The following FRMPD1 variants were observed in gnomAD, a reference collection of about 807,000 sequenced individuals.
FRMPD1 encodes the protein FERM and PDZ domain containing 1.
FRMPD1 carries 76 observed loss-of-function variants against 117.8 expected under a neutral mutation model. The observed-to-expected ratio is 0.65, with a 90% CI of 0.54 to 0.78. The LOEUF (loss-of-function observed/expected upper bound fraction) is 0.78, where lower values mean the gene tolerates loss of function less well. Among genes scored for constraint, FRMPD1 ranks in the 30% least tolerant of loss-of-function variants. FRMPD1 has a pLI of 0.00. For synonymous variants in FRMPD1, 783 were observed against 770.4 expected (o/e 1.02, Z -0.27); for missense variants, 1,786 against 1,964.5 (o/e 0.91, Z 1.72).
In FRMPD1 at chr9:37,719,155, G is replaced by A; in HGVS notation, c.495G>A (p.Val165=). Residue 165 remains valine, a synonymous_variant, in exon 6 of 16, where the codon GTG becomes GTA. Transcript: ENST00000377765. The part of the protein sequence containing the change: ...NPVKVHFAEE[V]LISGHSQGNS... ...TGAAGGTGCACTTTGCTGAAGAAGT[G>A]CTCATCAGTGGACACAGCCAGGTGT... 1 of 1,609,194 alleles carries A rather than the reference G, an allele frequency of 6.2e-7. No individual in the cohort carries two copies. The highest frequency in any genetic ancestry group is 8.5e-7 in the Non-Finnish European group (1 of 1,175,478).
intron 6 of FRMPD1, among the ~76,000 whole-genome samples, chr9:37,720,041 CAG>C (rs1823324801): frequency 6.6e-6 from 1 of 151,856 alleles, no homozygotes; most frequent in Non-Finnish European, 1.5e-5. Flanking sequence ...GGGGGAGTCA[CAG>C]GGGGTGGGGG....
chr9:37,675,622 A>G (rs1821502945), intron 1 of FRMPD1, among the ~76,000 whole-genome samples: 1 of 152,066 alleles, frequency 6.6e-6, no homozygotes, highest in South Asian at 2.1e-4. Context: ...AGGGTGTTTA[A>G]TGGTGCTCAT....
chr9:37,707,461 G>A lies in FRMPD1; in HGVS notation c.147G>A (p.Gln49=). Residue 49 remains glutamine, a synonymous_variant, in exon 3 of 16, where the codon CAG becomes CAA. Coordinates refer to ENST00000377765, the MANE Select transcript of FRMPD1 (RefSeq NM_014907.3). The stretch of plus-strand genomic sequence containing the variant: ...ATGGGCCCGCCAGGAACCCAACTCA[G>A]ACCCTCATCCCTGTGCGACACACAG... ...AADGPARNPT[Q]TLIPVRHTVK... 1 of 1,614,000 alleles carries A rather than the reference G, an allele frequency of 6.2e-7. No individual in the cohort carries two copies. Among genetic ancestry groups the A allele is most frequent in the Non-Finnish European group, 8.5e-7 (1 of 1,179,946 alleles).
chr9:37,692,236 T>C (rs948336025), intron 1 of FRMPD1, among the ~76,000 whole-genome samples: 6 of 152,234 alleles, frequency 3.9e-5, no homozygotes, highest in Admixed American at 6.5e-5. Context: ...AATGCTTCCA[T>C]GTCCATGGGG....
chr9:37,637,882 A>G, the FRMPD1 span, among the ~76,000 whole-genome samples: 1 of 152,130 alleles, frequency 6.6e-6, no homozygotes. Context: ...AAGAGAGAAA[A>G]GAGATCACTG....
rs116878229 is a variant in FRMPD1, at chr9:37,684,052, G to A, written c.-4-8586G>A. On this transcript the variant is annotated intron_variant, in intron 1 of 15. Coordinates refer to ENST00000377765, the MANE Select transcript of FRMPD1 (RefSeq NM_014907.3). ...GAGATAAAGTTGGCGGGTAGGCAGG[G>A]CCAGATCGCAAAAGGCTTTGGGGGG... Among the ~76,000 whole-genome samples, 8 of 150,656 alleles carry A rather than the reference G, an allele frequency of 5.3e-5. No individual in the cohort carries two copies. The East Asian group carries it at 1.4e-3, about 26-fold the overall frequency.
chr9:37,640,989 GCCATCCTCCC>G, the FRMPD1 span, among the ~76,000 whole-genome samples: 1 of 152,194 alleles, frequency 6.6e-6, no homozygotes, highest in Admixed American at 6.5e-5. Flanking sequence ...CTGGGCTCAA[GCCATCCTCCC>G]GCCTCAGCTA....
chr9:37,654,464 G>T (rs766102543), intron 1 of FRMPD1, among the ~76,000 whole-genome samples: 2 of 152,226 alleles, frequency 1.3e-5, no homozygotes, highest in Non-Finnish European at 2.9e-5. Flanking sequence ...TTGAATACTT[G>T]CCCCTTGGCT....
At chr9:37,647,428 C>T (rs911968252), upstream of FRMPD1, among the ~76,000 whole-genome samples, 6 of 149,682 alleles carry the variant, frequency 4.0e-5, no homozygotes, top group Admixed American at 6.8e-5. Context: ...AGGAGAATGG[C>T]GTGAACCCAG....
intron 15 of FRMPD1, among the ~76,000 whole-genome samples, chr9:37,742,481 C>G (rs1824469348): frequency 6.6e-6 from 1 of 152,202 alleles, no homozygotes; most frequent in African/African-American, 2.4e-5. Flanking sequence ...TGATTTGGCC[C>G]CTGACTGACT....
At chr9:37,658,167 C>T (rs969592137) in intron 1 of FRMPD1, among the ~76,000 whole-genome samples, 14 of 152,104 alleles carry the variant, frequency 9.2e-5, no homozygotes, top group Non-Finnish European at 1.2e-4. Flanking sequence ...AATGGGACAC[C>T]GCTGTGCAGG....
the FRMPD1 span, among the ~76,000 whole-genome samples, chr9:37,633,730 A>G: frequency 6.6e-6 from 1 of 152,190 alleles, no homozygotes; most frequent in Non-Finnish European, 1.5e-5. Context: ...GCATGGTAGC[A>G]TGCACCTGTA....
chr9:37,681,896 A>G (rs567158222), intron 1 of FRMPD1, among the ~76,000 whole-genome samples: 2 of 152,332 alleles, frequency 1.3e-5, no homozygotes, highest in South Asian at 4.1e-4. Flanking sequence ...AGAAAACACA[A>G]GACAAGAGCA....
chr9:37,637,215 G>C, the FRMPD1 span: 46,743 of 1,609,612 alleles, frequency 0.029, 888 homozygotes, highest in Non-Finnish European at 0.033. Flanking sequence ...TCAGCAAACC[G>C]CAGGAGCAGG....
intron 4 of FRMPD1, among the ~76,000 whole-genome samples, chr9:37,709,424 G>A (rs1822830830): frequency 6.6e-6 from 1 of 151,254 alleles, no homozygotes; most frequent in South Asian, 2.1e-4. Context: ...TTGGGCTCAA[G>A]TGGTCTTCCC....
At chr9:37,659,883 G>A (rs1475984614) in intron 1 of FRMPD1, among the ~76,000 whole-genome samples, 2 of 147,390 alleles carry the variant, frequency 1.4e-5, no homozygotes, top group East Asian at 2.0e-4. Context: ...AAGAGAGTGC[G>A]CTGCTTTGTT....
chr9:37,736,858 A>AGT (rs60521691), intron 13 of FRMPD1, among the ~76,000 whole-genome samples: 13,160 of 148,106 alleles, frequency 0.089, 627 homozygotes, highest in Admixed American at 0.14. Flanking sequence ...AGTGCGTGAG[A>AGT]GTGTGTGTGT....
chr9:37,618,614 G>A, the FRMPD1 span, among the ~76,000 whole-genome samples: 5 of 152,050 alleles, frequency 3.3e-5, no homozygotes, highest in South Asian at 2.1e-4. Flanking sequence ...CCCACAGATT[G>A]GTCCAAATTA....
chr9:37,688,243 T>C (rs1822015124), intron 1 of FRMPD1, among the ~76,000 whole-genome samples: 2 of 150,472 alleles, frequency 1.3e-5, no homozygotes, highest in South Asian at 2.1e-4. Context: ...TATATAAATA[T>C]ATATTTAAGC....
Sources: allele counts gnomAD v4.1 joint callset (sites outside exome capture counted in the v4.1 genomes callset), GRCh38; gene constraint gnomAD v4.1.1; transcripts MANE v1.5; gene names NCBI Gene and HGNC (gene_info 2026-07-23, HGNC 2026-07-21).